Variants in PRDM16 observed in about 807,000 individuals in gnomAD.
PRDM16 encodes PR/SET domain 16, also known as histone-lysine N-methyltransferase PRDM16.
In PRDM16, 23 loss-of-function variants were observed where a neutral mutation model predicts 110.6. That is an observed-to-expected ratio of 0.21 (90% CI 0.15 to 0.29). PRDM16 has a LOEUF of 0.29. Ranked by LOEUF, PRDM16 falls within the 10% of genes least tolerant of loss-of-function variation. The pLI is 1.00. For synonymous variants in PRDM16, 799 were observed against 781.8 expected (o/e 1.02, Z -0.37); for missense variants, 1,615 against 1,794.3 (o/e 0.90, Z 1.81).
In PRDM16 at chr1:3,292,858, G is replaced by A. The variant is rs1008849323; in HGVS notation, c.438+48721G>A. ...AACTCTTGTATCTTCGAATGGCCTG[G>A]GTGGGTTTCCGGCAGCCAAGAAGCG... On this transcript the variant is annotated intron_variant, in intron 3 of 16. Coordinates refer to ENST00000270722, the MANE Select transcript of PRDM16 (RefSeq NM_022114.4). Among the ~76,000 whole-genome samples, 9 of 152,340 alleles carry A rather than the reference G, an allele frequency of 5.9e-5. 1 individual carries two copies. The South Asian group carries it at 1.7e-3, about 28-fold the overall frequency.
At position 3,225,582 on chromosome 1, in the gene PRDM16, G is replaced by A. The variant is rs747444249; in HGVS notation, c.388-18505G>A. Among the ~76,000 whole-genome samples, 33 of 150,194 alleles carry A rather than the reference G, an allele frequency of 2.2e-4. 1 individual carries two copies. The highest frequency in any genetic ancestry group is 1.6e-3 in the Admixed American group (24 of 15,116). On this transcript the variant is annotated intron_variant, in intron 2 of 16. Coordinates refer to ENST00000270722, the MANE Select transcript of PRDM16 (RefSeq NM_022114.4). ...TGTGTGTGTGTGTGTGTGCGCGCGCGCAGAAGGAAGGAAACGCAAGGAAGA... is the reference window on the plus strand; with the variant it reads ...TGTGTGTGTGTGTGTGTGCGCGCGCACAGAAGGAAGGAAACGCAAGGAAGA...
At position 3,433,948 on chromosome 1, in the gene PRDM16, C is replaced by A; in HGVS notation, c.*137C>A. ...CCTCCCCACCCACCATGGTTCATTC[C>A]GACTTTTCCAATGGAAACTCAGATC... On this transcript the variant is annotated 3_prime_UTR_variant, in exon 17 of 17. Transcript: ENST00000270722. 3.5e-6 allele frequency: 3 copies of A among 867,766 alleles called. No homozygotes were observed. The highest frequency in any genetic ancestry group is 5.4e-5 in the East Asian group (2 of 37,290). 53.8% of individuals were successfully genotyped at this position (867,766 alleles called of 1,614,324 possible). A position where few individuals can be genotyped will look rare whatever the true frequency, so the allele number is the denominator to read the frequency against.
At chr1:3,205,026 C>A (rs972417506) in intron 2 of PRDM16, among the ~76,000 whole-genome samples, 2 of 152,000 alleles carry the variant, frequency 1.3e-5, no homozygotes, top group Non-Finnish European at 2.9e-5. Flanking sequence ...AACGCAGGCC[C>A]GGGTATAATG....
At chr1:3,228,916 AC>A (rs1187928574) in intron 2 of PRDM16, among the ~76,000 whole-genome samples, 20 of 152,234 alleles carry the variant, frequency 1.3e-4, no homozygotes, top group Admixed American at 1.2e-3. Flanking sequence ...CGGCAACCTC[AC>A]CCCTCTTTTC....
In PRDM16 at chr1:3,208,314, C is replaced by T. The variant is rs537238455; in HGVS notation, c.387+21840C>T. 2.6e-5 allele frequency: 4 copies of T among 152,178 alleles called. No homozygotes were observed. The highest frequency in any genetic ancestry group is 5.9e-5 in the Non-Finnish European group (4 of 68,062). 9.4% of individuals were successfully genotyped at this position (152,178 alleles called of 1,614,324 possible). On this transcript the variant is annotated intron_variant, in intron 2 of 16. Transcript: ENST00000270722. This position sits in a 1 kb window ranked among gnomAD's most constrained non-coding sequence, Gnocchi z 6.1. The stretch of plus-strand genomic sequence containing the variant: ...TCACGTGCGGGCAGCGATTCTCTGG[C>T]CCTGCACTGTAGGGTGTTTAGTGTG...
At chr1:3,118,051 CTGTGTGTGTACATGCA>C (rs1024998253) in intron 1 of PRDM16, among the ~76,000 whole-genome samples, 1 of 150,936 alleles carries the variant, frequency 6.6e-6, no homozygotes, top group African/African-American at 2.4e-5. Context: ...CATGCTCATG[CTGTGTGTGTACATGCA>C]TGTGTGTGTG....
chr1:3,311,178 G>GCGCTC (rs2100415789), intron 3 of PRDM16, among the ~76,000 whole-genome samples: 1 of 152,352 alleles, frequency 6.6e-6, no homozygotes, highest in East Asian at 1.9e-4. Flanking sequence ...CTGAGACGGA[G>GCGCTC]CCGTCGCTTC....
intron 3 of PRDM16, among the ~76,000 whole-genome samples, chr1:3,357,799 G>A (rs957495131): frequency 1.3e-5 from 2 of 152,238 alleles, no homozygotes; most frequent in South Asian, 2.1e-4. Flanking sequence ...CACCTCTGGG[G>A]GTGCTGCTGG....
In PRDM16 at chr1:3,192,675, G is replaced by A. The variant is rs574890476; in HGVS notation, c.387+6201G>A. Among the ~76,000 whole-genome samples the A allele has an allele frequency of 4.6e-5, 7 of 152,256 alleles. No homozygotes were observed. In the South Asian group the frequency reaches 1.0e-3, roughly 23 times the overall value. ...CACAGGTCTGAGCCCAGGCAGAAGC[G>A]ACCCTGTTTTAACCAAGCCCCAGCT... On this transcript the variant is annotated intron_variant, in intron 2 of 16. Transcript: ENST00000270722.
intron 1 of PRDM16, among the ~76,000 whole-genome samples, chr1:3,106,013 C>T (rs1463839368): frequency 6.6e-6 from 1 of 151,322 alleles, no homozygotes; most frequent in African/African-American, 2.4e-5. Flanking sequence ...GTCCTCCAGC[C>T]CCAGCTTCCT....
intron 8 of PRDM16, among the ~76,000 whole-genome samples, chr1:3,409,142 A>T (rs1643623445): frequency 1.8e-5 from 2 of 112,512 alleles, no homozygotes; most frequent in African/African-American, 7.0e-5. Flanking sequence ...TGAGTGTGTG[A>T]GTGTGGGTGT....
At chr1:3,145,234 G>C (rs1037127719) in intron 1 of PRDM16, among the ~76,000 whole-genome samples, 5 of 152,152 alleles carry the variant, frequency 3.3e-5, no homozygotes, top group Admixed American at 2.0e-4. Context: ...GAACGTCCAC[G>C]TGCAGATGGA....
intron 3 of PRDM16, among the ~76,000 whole-genome samples, chr1:3,298,255 T>A (rs1570018332): frequency 6.6e-6 from 1 of 152,236 alleles, no homozygotes; most frequent in Non-Finnish European, 1.5e-5. Flanking sequence ...GCACCTCGTG[T>A]TCGAGTCCTG....
chr1:3,158,058 T>C (rs1323688278), intron 1 of PRDM16, among the ~76,000 whole-genome samples: 1 of 152,272 alleles, frequency 6.6e-6, no homozygotes, highest in African/African-American at 2.4e-5. Flanking sequence ...GTATACTTTT[T>C]CAGTCCTGTG....
chr1:3,309,099 C>T (rs999801070), intron 3 of PRDM16: 3 of 152,276 alleles, frequency 2.0e-5, no homozygotes, highest in Non-Finnish European at 4.4e-5. Flanking sequence ...GCTCCTCACT[C>T]ATTCCATCCC....
intron 3 of PRDM16, among the ~76,000 whole-genome samples, chr1:3,334,315 C>T (rs1642101856): frequency 6.6e-6 from 1 of 152,122 alleles, no homozygotes; most frequent in Non-Finnish European, 1.5e-5. Flanking sequence ...GGGGTTGCCA[C>T]AGGTCCCACC....
At chr1:3,354,813 G>T (rs1207603703) in intron 3 of PRDM16, among the ~76,000 whole-genome samples, 1 of 152,194 alleles carries the variant, frequency 6.6e-6, no homozygotes, top group East Asian at 1.9e-4. Context: ...ACAGACAGGA[G>T]GGGACATTTC....
intron 1 of PRDM16, among the ~76,000 whole-genome samples, chr1:3,099,361 G>A (rs1033934846): frequency 9.2e-5 from 14 of 152,270 alleles, no homozygotes; most frequent in African/African-American, 2.2e-4. Flanking sequence ...CCAAGGGGCC[G>A]GGAGAGATGT....
At chr1:3,224,469 G>A (rs929347038) in intron 2 of PRDM16, among the ~76,000 whole-genome samples, 2 of 151,976 alleles carry the variant, frequency 1.3e-5, no homozygotes, top group Non-Finnish European at 2.9e-5. Flanking sequence ...CCTTCCGCAT[G>A]TGCCCAGGGC....
Sources: gnomAD v4.1 joint callset for allele counts (sites outside exome capture counted in the v4.1 genomes callset) on GRCh38, gnomAD v4.1.1 for gene constraint, Gnocchi (gnomAD v3.1) non-coding constraint, MANE v1.5 for transcripts, NCBI Gene and HGNC (gene_info 2026-07-23, HGNC 2026-07-21) for gene names.